The following TAFA1 variants were observed in gnomAD, a reference collection of about 807,000 sequenced individuals.
The protein encoded by TAFA1 is chemokine-like protein TAFA-1.
Under a neutral mutation model 18.5 loss-of-function variants are expected in TAFA1, and 4 were observed. The ratio of observed to expected loss-of-function variants is 0.22; its 90% CI spans 0.11 to 0.49. The LOEUF (loss-of-function observed/expected upper bound fraction) is 0.49, where lower values mean the gene tolerates loss of function less well. TAFA1 is among the 20% of genes least tolerant of loss of function. The pLI is 0.98. For synonymous variants in TAFA1, 56 were observed against 55.2 expected (o/e 1.01, Z -0.06); for missense variants, 147 against 169.0 (o/e 0.87, Z 0.72).
intron 2 of TAFA1, among the ~76,000 whole-genome samples, chr3:68,246,506 C>T (rs185451143): frequency 0.028 from 3,965 of 140,672 alleles, 67 homozygotes; most frequent in Non-Finnish European, 0.041. Flanking sequence ...AGGAGAATGG[C>T]GTGAACCCGG....
intron 2 of TAFA1, among the ~76,000 whole-genome samples, chr3:68,094,544 A>T (rs991035345): frequency 6.6e-6 from 1 of 152,178 alleles, no homozygotes; most frequent in Admixed American, 6.6e-5. Context: ...TGAGAAAGTG[A>T]ATTGTTAATA....
intron 2 of TAFA1, among the ~76,000 whole-genome samples, chr3:68,027,851 A>T (rs79913057): frequency 6.6e-6 from 1 of 152,210 alleles, no homozygotes; most frequent in African/African-American, 2.4e-5. Flanking sequence ...TAATAAATTA[A>T]TTCCCAAACA....
intron 3 of TAFA1, among the ~76,000 whole-genome samples, chr3:68,536,099 A>C (rs548150726): frequency 1.5e-4 from 23 of 152,328 alleles, no homozygotes; most frequent in African/African-American, 5.3e-4. Flanking sequence ...CACATTCCTC[A>C]CATAAAAGTT....
intron 2 of TAFA1, among the ~76,000 whole-genome samples, chr3:68,313,462 G>A (rs769514270): frequency 6.6e-6 from 1 of 152,042 alleles, no homozygotes; most frequent in Non-Finnish European, 1.5e-5. Flanking sequence ...ACTTTCATCT[G>A]TTTGAAAATT....
intron 3 of TAFA1, among the ~76,000 whole-genome samples, chr3:68,435,760 G>A (rs2071257179): frequency 6.6e-6 from 1 of 152,166 alleles, no homozygotes. Context: ...TTGCATCAAG[G>A]ATCACTATGG....
intron 2 of TAFA1, among the ~76,000 whole-genome samples, chr3:68,064,390 C>T (rs2064645879): frequency 6.6e-6 from 1 of 152,100 alleles, no homozygotes; most frequent in Non-Finnish European, 1.5e-5. Flanking sequence ...TGGCTGTGAC[C>T]AAATTAGTCC....
chr3:68,507,979 A>G (rs972988366), intron 3 of TAFA1, among the ~76,000 whole-genome samples: 2 of 152,156 alleles, frequency 1.3e-5, no homozygotes, highest in Non-Finnish European at 2.9e-5. Flanking sequence ...TGCTGCCATA[A>G]CAAAATAACC....
intron 2 of TAFA1, among the ~76,000 whole-genome samples, chr3:68,307,401 A>G (rs72626943): frequency 0.026 from 3,938 of 152,300 alleles, 90 homozygotes; most frequent in East Asian, 0.098. Context: ...TTATAGGTAA[A>G]GTAATCACCA....
rs997181333 is a variant in TAFA1, at chr3:68,424,369, C to T, written c.259+6949C>T. Reference sequence around the variant, plus strand: ...AAAGAGAGTAGTTAATAAAGAAATGCTTAGAAGGAACATTAATACATCTAT... The same window carrying T: ...AAAGAGAGTAGTTAATAAAGAAATGTTTAGAAGGAACATTAATACATCTAT... On this transcript the variant is annotated intron_variant, in intron 3 of 4. Coordinates refer to ENST00000478136, the MANE Select transcript of TAFA1 (RefSeq NM_213609.4). Among the ~76,000 whole-genome samples the T allele has an allele frequency of 5.9e-5, 9 of 151,952 alleles. 1 individual carries two copies. Among genetic ancestry groups the T allele is most frequent in the South Asian group, 4.2e-4 (2 of 4,818 alleles).
At chr3:68,026,417 A>G (rs914478149) in intron 2 of TAFA1, among the ~76,000 whole-genome samples, 2 of 151,938 alleles carry the variant, frequency 1.3e-5, no homozygotes, top group African/African-American at 4.8e-5. Context: ...TGATTTTCAA[A>G]CACAGAAGAA....
intron 2 of TAFA1, among the ~76,000 whole-genome samples, chr3:68,388,133 A>G (rs2070143667): frequency 1.3e-5 from 2 of 152,192 alleles, no homozygotes; most frequent in Non-Finnish European, 2.9e-5. Flanking sequence ...CTAACATTAG[A>G]AAAATTAGGG....
At chr3:68,235,132 C>A (rs1278834564) in intron 2 of TAFA1, among the ~76,000 whole-genome samples, 2 of 150,346 alleles carry the variant, frequency 1.3e-5, no homozygotes, top group Non-Finnish European at 3.0e-5. Flanking sequence ...CTCTAAGGAT[C>A]TTAACTATTT....
chr3:68,129,587 G>T (rs1328860347), intron 2 of TAFA1, among the ~76,000 whole-genome samples: 1 of 152,184 alleles, frequency 6.6e-6, no homozygotes, highest in African/African-American at 2.4e-5. Flanking sequence ...TAGGCAAGAT[G>T]CTGGTTCCAT....
At chr3:68,043,446 A>T (rs1036969584) in intron 2 of TAFA1, among the ~76,000 whole-genome samples, 4 of 152,230 alleles carry the variant, frequency 2.6e-5, no homozygotes, top group African/African-American at 9.6e-5. Flanking sequence ...TTAAAAAAAT[A>T]ATTGAAAGAT....
intron 2 of TAFA1, among the ~76,000 whole-genome samples, chr3:68,150,449 A>T (rs937539578): frequency 2.0e-5 from 3 of 152,202 alleles, no homozygotes; most frequent in Non-Finnish European, 4.4e-5. Flanking sequence ...GAAATTAAGA[A>T]ATTTGTAGAA....
At position 68,120,233 on chromosome 3, in the gene TAFA1, CT is replaced by C. The variant is rs753456486; in HGVS notation, c.118+113492del. On this transcript the variant is annotated intron_variant, in intron 2 of 4. Transcript: ENST00000478136. ...TCTTTCTTTCTTTCTTTCTTTCTTT[CT>C]TTCTTTCTTTCTTTCTTTCTTTCTT... Among the ~76,000 whole-genome samples, 7 of 113,198 alleles carry C rather than the reference CT, an allele frequency of 6.2e-5. No individual in the cohort carries two copies. In the East Asian group the frequency reaches 9.4e-4, roughly 15 times the overall value. The allele number at this position is 113,198 out of a possible 152,430, so 74.3% of individuals were successfully genotyped here. A position where few individuals can be genotyped will look rare whatever the true frequency, so the allele number is the denominator to read the frequency against.
At chr3:68,340,271 A>G (rs1342224567) in intron 2 of TAFA1, among the ~76,000 whole-genome samples, 1 of 152,182 alleles carries the variant, frequency 6.6e-6, no homozygotes, top group Admixed American at 6.5e-5. Flanking sequence ...TTGAATTTAA[A>G]TAGCCAAGGT....
At chr3:68,247,004 C>A (rs2067094229) in intron 2 of TAFA1, 1 of 152,078 alleles carries the variant, frequency 6.6e-6, no homozygotes, top group African/African-American at 2.4e-5. Context: ...TTCTCATTGG[C>A]TTGATGTGAG....
intron 2 of TAFA1, among the ~76,000 whole-genome samples, chr3:68,391,381 T>C (rs145794575): frequency 3.6e-3 from 541 of 152,138 alleles, no homozygotes; most frequent in African/African-American, 0.012. Context: ...ACCAGACCTA[T>C]GTTTGGTGTA....
Sources: allele counts gnomAD v4.1 joint callset (sites outside exome capture counted in the v4.1 genomes callset), GRCh38; gene constraint gnomAD v4.1.1; transcripts MANE v1.5; gene names NCBI Gene and HGNC (gene_info 2026-07-23, HGNC 2026-07-21).